Variants in SLC26A7 observed in about 807,000 individuals in gnomAD.
The protein encoded by SLC26A7 is anion exchange transporter.
Under a neutral mutation model 82.5 loss-of-function variants are expected in SLC26A7, and 59 were observed. The observed-to-expected ratio is 0.72, with a 90% CI of 0.58 to 0.89. SLC26A7 has a LOEUF of 0.89. Among genes scored for constraint, SLC26A7 ranks in the 40% least tolerant of loss-of-function variants. The pLI is 0.00. For synonymous variants in SLC26A7, 271 were observed against 274.3 expected (o/e 0.99, Z 0.12); for missense variants, 820 against 793.0 (o/e 1.03, Z -0.41).
At chr8:91,393,392 G>T (rs1382786292) in intron 16 of SLC26A7, among the ~76,000 whole-genome samples, 1 of 152,136 alleles carries the variant, frequency 6.6e-6, no homozygotes, top group Non-Finnish European at 1.5e-5. Context: ...GGTTTGTAGA[G>T]CCCGTGAATA....
intron 2 of SLC26A7, among the ~76,000 whole-genome samples, chr8:91,273,051 T>C (rs1327351298): frequency 6.6e-6 from 1 of 152,202 alleles, no homozygotes; most frequent in East Asian, 1.9e-4. Flanking sequence ...AAAAAGAGTC[T>C]ATTTTGATGA....
intron 2 of SLC26A7, among the ~76,000 whole-genome samples, chr8:91,271,475 T>A (rs1476524711): frequency 6.6e-6 from 1 of 152,186 alleles, no homozygotes; most frequent in African/African-American, 2.4e-5. Context: ...AGACCACCAT[T>A]TTCTTATATA....
At chr8:91,324,158 C>G (rs1281508694) in intron 5 of SLC26A7, among the ~76,000 whole-genome samples, 1 of 152,054 alleles carries the variant, frequency 6.6e-6, no homozygotes, top group East Asian at 1.9e-4. Flanking sequence ...TTTATGTTCA[C>G]TACTGTAGAG....
intron 9 of SLC26A7, among the ~76,000 whole-genome samples, chr8:91,351,159 A>G (rs1813704427): frequency 1.3e-5 from 2 of 152,062 alleles, no homozygotes; most frequent in Non-Finnish European, 2.9e-5. Context: ...CAAGTTCTCC[A>G]TCAAGTGGAA....
At chr8:91,292,130 C>T (rs1469201787) in intron 3 of SLC26A7, among the ~76,000 whole-genome samples, 2 of 151,864 alleles carry the variant, frequency 1.3e-5, no homozygotes, top group African/African-American at 4.8e-5. Flanking sequence ...ACGGTGAAAC[C>T]CTGTCTGTAC....
intron 15 of SLC26A7, among the ~76,000 whole-genome samples, chr8:91,386,797 A>G (rs1814811645): frequency 6.6e-6 from 1 of 152,214 alleles, no homozygotes; most frequent in African/African-American, 2.4e-5. Context: ...CATGGAAGAT[A>G]TATACACAAC....
intron 4 of SLC26A7, among the ~76,000 whole-genome samples, chr8:91,302,394 T>A (rs1190300680): frequency 6.6e-6 from 1 of 152,108 alleles, no homozygotes; most frequent in East Asian, 1.9e-4. Flanking sequence ...CCATCCAATG[T>A]CTCTCACTCA....
chr8:91,314,273 G>C (rs1036834724), intron 4 of SLC26A7, among the ~76,000 whole-genome samples: 6 of 152,078 alleles, frequency 3.9e-5, no homozygotes, highest in Admixed American at 1.3e-4. Context: ...TTTAAATACT[G>C]GGTCTCCAAG....
intron 5 of SLC26A7, among the ~76,000 whole-genome samples, chr8:91,329,367 C>T (rs929367076): frequency 1.3e-5 from 2 of 152,148 alleles, no homozygotes; most frequent in African/African-American, 4.8e-5. Context: ...ATTAGAATGA[C>T]ATTCCTCACC....
chr8:91,226,219 C>T (rs1226646178), intron 2 of SLC26A7, among the ~76,000 whole-genome samples: 1 of 152,082 alleles, frequency 6.6e-6, no homozygotes, highest in Admixed American at 6.5e-5. Flanking sequence ...TTCTCAATTT[C>T]AAGACATCTA....
chr8:91,253,671 G>C (rs1396568363), intron 2 of SLC26A7, among the ~76,000 whole-genome samples: 1 of 152,022 alleles, frequency 6.6e-6, no homozygotes, highest in Non-Finnish European at 1.5e-5. Flanking sequence ...TCTCCTCTAA[G>C]AATCCCTCCC....
chr8:91,351,716 T>A, intron 9 of SLC26A7, 94 bp from the exon 10 acceptor site: 1 of 807,070 alleles, frequency 1.2e-6, no homozygotes, highest in Non-Finnish European at 2.1e-6. Flanking sequence ...CTAATCAAGA[T>A]AAACTAAGAA....
At chr8:91,345,087 G>A (rs1189848458) in intron 9 of SLC26A7, among the ~76,000 whole-genome samples, 2 of 151,202 alleles carry the variant, frequency 1.3e-5, no homozygotes, top group African/African-American at 2.4e-5. Flanking sequence ...AATAACAGGC[G>A]TGCACCACCA....
At chr8:91,309,926 A>G (rs1259575294) in intron 4 of SLC26A7, among the ~76,000 whole-genome samples, 1 of 151,744 alleles carries the variant, frequency 6.6e-6, no homozygotes, top group Admixed American at 6.6e-5. Flanking sequence ...TTCCCTACCC[A>G]CTCGAATGTC....
Position 91,393,621 on chromosome 8 carries a change from TTA to T in SLC26A7, c.1777-175_1777-174del, listed in dbSNP as rs1586486816. On this transcript the variant is annotated intron_variant, in intron 16 of 18. Transcript: ENST00000276609. Reference sequence around the variant, plus strand: ...AGGTAGATGCCCTGCTGTATTAATCTTAGTCTTTTAGACGCTTGCCAGATTAT... The same window carrying T: ...AGGTAGATGCCCTGCTGTATTAATCTGTCTTTTAGACGCTTGCCAGATTAT... Among the ~76,000 whole-genome samples the T allele has an allele frequency of 4.6e-5, 7 of 152,314 alleles. No homozygotes were observed. The South Asian group carries it at 1.4e-3, about 32-fold the overall frequency.
intron 5 of SLC26A7, among the ~76,000 whole-genome samples, chr8:91,328,443 A>T (rs952210762): frequency 5.3e-5 from 8 of 152,148 alleles, no homozygotes; most frequent in African/African-American, 1.9e-4. Flanking sequence ...CTCAATAAAC[A>T]AGTTGAATAA....
intron 11 of SLC26A7, among the ~76,000 whole-genome samples, chr8:91,356,063 CT>C (rs538222977): frequency 0.079 from 11,956 of 152,046 alleles, 722 homozygotes; most frequent in African/African-American, 0.17. Flanking sequence ...TGAACTCATC[CT>C]TTTTTATGGC....
intron 15 of SLC26A7, among the ~76,000 whole-genome samples, chr8:91,378,070 CTCTT>C (rs2130890661): frequency 6.6e-6 from 1 of 152,176 alleles, no homozygotes; most frequent in East Asian, 1.9e-4. Context: ...CATTGACTGT[CTCTT>C]TCATTTAACA....
At chr8:91,250,829 A>G (rs1810637922) in intron 2 of SLC26A7, among the ~76,000 whole-genome samples, 1 of 152,140 alleles carries the variant, frequency 6.6e-6, no homozygotes, top group African/African-American at 2.4e-5. Flanking sequence ...CATCTGCACT[A>G]GTGACTTTAA....
Sources: gnomAD v4.1 joint callset for allele counts (sites outside exome capture counted in the v4.1 genomes callset) on GRCh38, gnomAD v4.1.1 for gene constraint, MANE v1.5 for transcripts, NCBI Gene and HGNC (gene_info 2026-07-23, HGNC 2026-07-21) for gene names.